RB1CC1: variants seen among roughly 807,000 people sequenced by gnomAD.
The protein encoded by RB1CC1 is RB1 inducible coiled-coil 1, also known as RB1-inducible coiled-coil protein 1.
In RB1CC1, 46 loss-of-function variants were observed where a neutral mutation model predicts 177.5. The observed-to-expected ratio is 0.26, with a 90% confidence interval of 0.20 to 0.33. The LOEUF (loss-of-function observed/expected upper bound fraction) is 0.33, where lower values mean the gene tolerates loss of function less well. Among genes scored for constraint, RB1CC1 ranks in the 10% least tolerant of loss-of-function variants. The probability of loss-of-function intolerance (pLI) is 1.00; values close to 1 mark genes in which losing one functional copy is unlikely to be tolerated. For synonymous variants in RB1CC1, 666 were observed against 613.6 expected (o/e 1.09, Z -1.26); for missense variants, 1,703 against 1,816.3 (o/e 0.94, Z 1.13).
chr8:52,664,338 C>G (rs899380169), intron 8 of RB1CC1, among the ~76,000 whole-genome samples: 1 of 152,088 alleles, frequency 6.6e-6, no homozygotes, highest in African/African-American at 2.4e-5. Context: ...ATGTAGATGA[C>G]TTCTTATGAA....
intron 3 of RB1CC1, among the ~76,000 whole-genome samples, chr8:52,684,333 C>T (rs1854045669): frequency 6.6e-6 from 1 of 152,142 alleles, no homozygotes; most frequent in East Asian, 1.9e-4. Context: ...AAGATTCCTT[C>T]CTATCCCTAT....
chr8:52,665,145 G>A (rs1851958193), intron 8 of RB1CC1, among the ~76,000 whole-genome samples: 1 of 152,056 alleles, frequency 6.6e-6, no homozygotes, highest in Non-Finnish European at 1.5e-5. Context: ...GAATTTGACT[G>A]CATCAAAATT....
At chr8:52,707,556 C>A (rs1221469756) in intron 1 of RB1CC1, among the ~76,000 whole-genome samples, 3 of 151,018 alleles carry the variant, frequency 2.0e-5, no homozygotes, top group African/African-American at 7.3e-5. Flanking sequence ...AATGACATAA[C>A]CCTTACTTAG....
At chr8:52,683,798 A>G in intron 4 of RB1CC1, 79 bp from the exon 5 acceptor site, 1 of 1,569,230 alleles carries the variant, frequency 6.4e-7, no homozygotes. Context: ...TCAATATATG[A>G]AGCAAATAAA....
chr8:52,671,904 A>G (rs1326676849), intron 7 of RB1CC1, among the ~76,000 whole-genome samples: 2 of 152,290 alleles, frequency 1.3e-5, no homozygotes, highest in East Asian at 1.9e-4. Flanking sequence ...AATGAGTACT[A>G]TATTATAGGC....
At chr8:52,659,369 AT>A (rs910625607) in intron 12 of RB1CC1, among the ~76,000 whole-genome samples, 1 of 151,810 alleles carries the variant, frequency 6.6e-6, no homozygotes, top group Non-Finnish European at 1.5e-5. Context: ...GCACACATGT[AT>A]TTTTTTTCCA....
At chr8:52,695,185 CAAGAG>C (rs1275408044) in intron 1 of RB1CC1, among the ~76,000 whole-genome samples, 2 of 152,028 alleles carry the variant, frequency 1.3e-5, no homozygotes, top group African/African-American at 2.4e-5. Flanking sequence ...GTTTTCAACC[CAAGAG>C]AAAAGAAATA....
At position 52,623,328 on chromosome 8, in the gene RB1CC1, C is replaced by G; in HGVS notation, c.*454G>C. ...ACACTCCTCTTTATTTTAAATAGTT[C>G]TGAATAATTTATACATTTTATAAAG... On this transcript the variant is annotated 3_prime_UTR_variant, in exon 24 of 24. Transcript: ENST00000025008. 4.8e-6 allele frequency: 1 copy of G among 207,682 alleles called. No homozygotes were observed. Among genetic ancestry groups the G allele is most frequent in the South Asian group, 7.2e-5 (1 of 13,932 alleles). 12.9% of individuals were successfully genotyped at this position (207,682 alleles called of 1,614,324 possible).
At chr8:52,660,732 A>G (rs371161560) in intron 11 of RB1CC1, 75 bp from the exon 12 acceptor site, 1 of 1,286,998 alleles carries the variant, frequency 7.8e-7, no homozygotes, top group Non-Finnish European at 1.1e-6. Flanking sequence ...GTTTTTGAAA[A>G]GGTAAATTAA....
intron 1 of RB1CC1, among the ~76,000 whole-genome samples, chr8:52,688,999 C>G (rs933793042): frequency 6.6e-6 from 1 of 152,150 alleles, no homozygotes; most frequent in Admixed American, 6.5e-5. Flanking sequence ...TGGGAGGGAT[C>G]TCAGCCGCCT....
chr8:52,632,649 T>G (rs1848851041), intron 20 of RB1CC1, among the ~76,000 whole-genome samples: 1 of 152,208 alleles, frequency 6.6e-6, no homozygotes, highest in Non-Finnish European at 1.5e-5. Context: ...GTGACTGTGA[T>G]GCTCTCTGGG....
At chr8:52,633,161 G>C (rs1306767811) in intron 20 of RB1CC1, among the ~76,000 whole-genome samples, 1 of 152,032 alleles carries the variant, frequency 6.6e-6, no homozygotes, top group Non-Finnish European at 1.5e-5. Context: ...ACCAAGCTGT[G>C]TCCTGACCAC....
rs529258806 is a variant in RB1CC1, at chr8:52,673,738, T to C, written c.1002+107A>G. On this transcript the variant is annotated intron_variant, in intron 7 of 23. Transcript: ENST00000025008. ...TAAAAGTTTCACTCCAAGACTCATT[T>C]ATTTCTACTAAAAGGTAATACCCAT... is the stretch of plus-strand genomic sequence containing the variant. The C allele has an allele frequency of 3.3e-5, 35 of 1,070,774 alleles. No homozygotes were observed. The African/African-American group carries it at 5.1e-4, about 16-fold the overall frequency. 66.3% of individuals were successfully genotyped at this position (1,070,774 alleles called of 1,614,324 possible). A position where few individuals can be genotyped will look rare whatever the true frequency, so the allele number is the denominator to read the frequency against.
At chr8:52,670,041 G>GCGAT (rs544453206) in intron 7 of RB1CC1, among the ~76,000 whole-genome samples, 154 of 152,304 alleles carry the variant, frequency 1.0e-3, no homozygotes, top group Admixed American at 4.4e-3. Context: ...ACAGGCTCAA[G>GCGAT]CGATCCTACG....
chr8:52,623,562 A>AC lies in RB1CC1; in HGVS notation c.*219_*220insG. Reference sequence around the variant, plus strand: ...CTAGAGTTGTCTGGGTAAAAAAAAAAACCAAAAAACAAAAACCATTTTAAT... The same window carrying AC: ...CTAGAGTTGTCTGGGTAAAAAAAAAACACCAAAAAACAAAAACCATTTTAAT... On this transcript the variant is annotated 3_prime_UTR_variant, in exon 24 of 24. Coordinates refer to ENST00000025008, the MANE Select transcript of RB1CC1 (RefSeq NM_014781.5). The AC allele has an allele frequency of 1.8e-6, 1 of 547,586 alleles. No homozygotes were observed. The highest frequency in any genetic ancestry group is 1.7e-5 in the South Asian group (1 of 57,820). The allele number at this position is 547,586 out of a possible 1,614,324, so 33.9% of individuals were successfully genotyped here. A position where few individuals can be genotyped will look rare whatever the true frequency, so the allele number is the denominator to read the frequency against.
At chr8:52,707,428 CTTTCT>C (rs1856667510) in intron 1 of RB1CC1, among the ~76,000 whole-genome samples, 1 of 120,208 alleles carries the variant, frequency 8.3e-6, no homozygotes, top group African/African-American at 2.8e-5. Flanking sequence ...CTTTTTCTTT[CTTTCT>C]TTTTTTTTTT....
chr8:52,688,111 G>T (rs1854447514), intron 1 of RB1CC1, among the ~76,000 whole-genome samples: 1 of 152,200 alleles, frequency 6.6e-6, no homozygotes, highest in South Asian at 2.1e-4. Context: ...TGTGATAATT[G>T]TGTTAACTGT....
At chr8:52,712,077 A>C (rs1857104408) in intron 1 of RB1CC1, among the ~76,000 whole-genome samples, 1 of 152,160 alleles carries the variant, frequency 6.6e-6, no homozygotes, top group African/African-American at 2.4e-5. Context: ...TCCTCATGTA[A>C]CTAGTTCAAA....
At position 52,623,869 on chromosome 8, in the gene RB1CC1, A is replaced by G; in HGVS notation, c.4708-10T>C. The G allele has an allele frequency of 1.3e-6, 2 of 1,585,522 alleles. No individual in the cohort carries two copies. Among genetic ancestry groups the G allele is most frequent in the Non-Finnish European group, 1.7e-6 (2 of 1,155,564 alleles). On this transcript the variant is annotated splice_polypyrimidine_tract_variant and intron_variant, in intron 23 of 23. Transcript: ENST00000025008. ...TAAATCTGTTTTGTGCCTAAGAGGG[A>G]AAGAAAAAATGGAATCACTAGAGTG...
Sources: gnomAD v4.1 joint callset for allele counts (sites outside exome capture counted in the v4.1 genomes callset) on GRCh38, gnomAD v4.1.1 for gene constraint, MANE v1.5 for transcripts, NCBI Gene and HGNC (gene_info 2026-07-23, HGNC 2026-07-21) for gene names.